Variants in NALCN observed in about 807,000 individuals in gnomAD.
NALCN encodes the protein sodium leak channel NALCN.
A neutral mutation model predicts 225.3 loss-of-function variants in NALCN; 111 were observed. The observed-to-expected ratio is 0.49, with a 90% CI of 0.42 to 0.58. The LOEUF is 0.58. Ranked by LOEUF, NALCN falls within the 20% of genes least tolerant of loss-of-function variation. The pLI is 0.00. For missense variants in NALCN, 1,378 were observed against 2,202.4 expected (o/e 0.63, Z 7.49); for synonymous variants, 764 against 769.0 (o/e 0.99, Z 0.11).
At chr13:101,408,989 C>A (rs2047702555) in intron 1 of NALCN, among the ~76,000 whole-genome samples, 2 of 152,160 alleles carry the variant, frequency 1.3e-5, no homozygotes. Flanking sequence ...AGTAAAACAG[C>A]AGGTTATTTT....
chr13:101,346,172 T>C (rs2045731544), intron 6 of NALCN, among the ~76,000 whole-genome samples: 1 of 150,280 alleles, frequency 6.7e-6, no homozygotes, highest in Non-Finnish European at 1.5e-5. Context: ...TCATAATCCA[T>C]AAATGATATT....
At chr13:101,085,759 T>C (rs531029206) in intron 30 of NALCN, among the ~76,000 whole-genome samples, 5 of 152,204 alleles carry the variant, frequency 3.3e-5, no homozygotes, top group Non-Finnish European at 5.9e-5. Flanking sequence ...AATGCTGACA[T>C]GCTTTAAAAA....
intron 7 of NALCN, among the ~76,000 whole-genome samples, chr13:101,317,765 CCTCACCAGTGG>C (rs2044604475): frequency 6.6e-6 from 1 of 152,172 alleles, no homozygotes; most frequent in African/African-American, 2.4e-5. Context: ...GGTTATGTTT[CCTCACCAGTGG>C]CTCATCAGTG....
At chr13:101,109,865 C>T (rs1255377579) in intron 20 of NALCN, among the ~76,000 whole-genome samples, 1 of 152,142 alleles carries the variant, frequency 6.6e-6, no homozygotes, top group Non-Finnish European at 1.5e-5. Flanking sequence ...AAATCCCCAC[C>T]TTTGATTTAT....
chr13:101,121,031 C>T (rs1275627830), intron 18 of NALCN, among the ~76,000 whole-genome samples: 1 of 152,150 alleles, frequency 6.6e-6, no homozygotes, highest in East Asian at 1.9e-4. Context: ...GTTTCCCTTA[C>T]TGGAATAAGT....
chr13:101,297,217 G>T (rs575563962), intron 7 of NALCN, among the ~76,000 whole-genome samples: 9 of 152,112 alleles, frequency 5.9e-5, no homozygotes, highest in African/African-American at 1.9e-4. Context: ...ACAAACCTGG[G>T]GTCCTACCAC....
intron 13 of NALCN, among the ~76,000 whole-genome samples, chr13:101,210,868 T>G (rs527646891): frequency 6.6e-6 from 1 of 152,338 alleles, no homozygotes; most frequent in Non-Finnish European, 1.5e-5. Context: ...AAGTTATGTA[T>G]TATTATCCTG....
intron 7 of NALCN, among the ~76,000 whole-genome samples, chr13:101,323,136 A>G (rs1240730628): frequency 6.6e-6 from 1 of 152,216 alleles, no homozygotes; most frequent in Non-Finnish European, 1.5e-5. Context: ...TAATCCAATA[A>G]TAATATGATT....
chr13:101,203,047 T>C (rs7329882), intron 13 of NALCN, among the ~76,000 whole-genome samples: 41,426 of 152,120 alleles, frequency 0.27, 6,683 homozygotes, highest in Non-Finnish European at 0.37. Context: ...TGCAATCCCA[T>C]TGTCACTCGA....
At chr13:101,391,687 A>G (rs956952400) in intron 3 of NALCN, among the ~76,000 whole-genome samples, 13 of 149,806 alleles carry the variant, frequency 8.7e-5, no homozygotes, top group African/African-American at 1.5e-4. Flanking sequence ...TGTCTCTACT[A>G]AAAAATGAAG....
In NALCN at chr13:101,055,107, A is replaced by ATGAT. The variant is rs972845803; in HGVS notation, c.*184_*187dup. The ATGAT allele has an allele frequency of 2.6e-5, 15 of 575,556 alleles. No homozygotes were observed. The East Asian group carries it at 2.9e-4, about 11-fold the overall frequency. 35.7% of individuals were successfully genotyped at this position (575,556 alleles called of 1,614,324 possible). On this transcript the variant is annotated 3_prime_UTR_variant, in exon 44 of 44. Transcript: ENST00000251127. ...CATTATACAAAAATTTTTTTGAGCA[A>ATGAT]TGATTGATAGTAACCCATCATACAT...
At position 101,311,528 on chromosome 13, in the gene NALCN, C is replaced by A. The variant is rs1485344256; in HGVS notation, c.800-19162G>T. On this transcript the variant is annotated intron_variant, in intron 7 of 43. Coordinates refer to ENST00000251127, the MANE Select transcript of NALCN (RefSeq NM_052867.4). ...AGATAGCTCTTATTATTTTGAGATACGTCCCATCAATACCTAATTTATTGA... is the reference window on the plus strand; with the variant it reads ...AGATAGCTCTTATTATTTTGAGATAAGTCCCATCAATACCTAATTTATTGA... Among the ~76,000 whole-genome samples, 5 of 151,248 alleles carry A rather than the reference C, an allele frequency of 3.3e-5. No homozygotes were observed. In the South Asian group the frequency reaches 8.4e-4, roughly 25 times the overall value.
At chr13:101,406,188 T>A (rs117876423) in intron 1 of NALCN, among the ~76,000 whole-genome samples, 2,562 of 146,074 alleles carry the variant, frequency 0.018, 23 homozygotes, top group Middle Eastern at 0.04. Context: ...TAGCTGGGAG[T>A]ACTGGCATGC....
intron 28 of NALCN, among the ~76,000 whole-genome samples, chr13:101,092,413 C>T (rs750581684): frequency 2.2e-4 from 34 of 152,170 alleles, no homozygotes; most frequent in Admixed American, 1.0e-3. Context: ...TCAGAAACGT[C>T]GTACTTCCTA....
chr13:101,332,150 T>C (rs1230628910), intron 7 of NALCN, among the ~76,000 whole-genome samples: 2 of 152,108 alleles, frequency 1.3e-5, no homozygotes, highest in Admixed American at 6.6e-5. Flanking sequence ...TATTAATCAG[T>C]ATTCCAGAAA....
intron 17 of NALCN, among the ~76,000 whole-genome samples, chr13:101,127,385 G>A (rs147927389): frequency 6.6e-6 from 1 of 152,226 alleles, no homozygotes; most frequent in East Asian, 1.9e-4. Flanking sequence ...TTGAGAAAGA[G>A]TCTCACTCTG....
At chr13:101,223,754 A>G (rs2041035283) in intron 13 of NALCN, among the ~76,000 whole-genome samples, 1 of 152,146 alleles carries the variant, frequency 6.6e-6, no homozygotes, top group Admixed American at 6.5e-5. Flanking sequence ...TAAACCTTTA[A>G]TGCTCAGCCC....
intron 39 of NALCN, among the ~76,000 whole-genome samples, chr13:101,065,954 GA>G (rs2032349567): frequency 6.6e-6 from 1 of 152,138 alleles, no homozygotes; most frequent in African/African-American, 2.4e-5. Context: ...CAAGGTAATG[GA>G]CAAGACACAC....
intron 28 of NALCN, among the ~76,000 whole-genome samples, chr13:101,093,731 T>C (rs2034356336): frequency 6.6e-6 from 1 of 152,212 alleles, no homozygotes; most frequent in Non-Finnish European, 1.5e-5. Flanking sequence ...GTGTTCCAGC[T>C]CCCTGTCTGA....
Sources: gnomAD v4.1 joint callset for allele counts (sites outside exome capture counted in the v4.1 genomes callset) on GRCh38, gnomAD v4.1.1 for gene constraint, MANE v1.5 for transcripts, NCBI Gene and HGNC (gene_info 2026-07-23, HGNC 2026-07-21) for gene names.